The following UGT1A8 variants were observed in gnomAD, a reference collection of about 807,000 sequenced individuals.
UGT1A8 encodes the protein UDP glucuronosyltransferase family 1 member A8.
In UGT1A8, 39 loss-of-function variants were observed where a neutral mutation model predicts 45.3. The ratio of observed to expected loss-of-function variants is 0.86; its 90% confidence interval spans 0.67 to 1.12. The LOEUF (loss-of-function observed/expected upper bound fraction) is 1.12, where lower values mean the gene tolerates loss of function less well. UGT1A8 is among the 50% of genes most tolerant of loss of function. The pLI, the probability that UGT1A8 is intolerant of heterozygous loss-of-function variation, is 0.00. For missense variants in UGT1A8, 719 were observed against 664.9 expected, an observed-to-expected ratio of 1.08 and a Z score of -0.90; for synonymous variants, 275 against 249.2, an observed-to-expected ratio of 1.10 and a Z score of -0.97.
intron 1 of UGT1A8, among the ~76,000 whole-genome samples, chr2:233,627,352 T>C (rs1038742497): frequency 1.3e-5 from 2 of 152,028 alleles, no homozygotes; most frequent in African/African-American, 4.8e-5. Context: ...AACCCCTTTC[T>C]AAAACTAGCA....
chr2:233,732,773 C>CTTTT (rs2078315229), intron 1 of UGT1A8, among the ~76,000 whole-genome samples: 1 of 103,190 alleles, frequency 9.7e-6, no homozygotes, highest in Admixed American at 1.1e-4. Flanking sequence ...TTTTTTTTTG[C>CTTTT]TTAGGATTGT....
At chr2:233,729,653 T>C (rs781239546) in intron 1 of UGT1A8, 1 of 1,613,906 alleles carries the variant, frequency 6.2e-7, no homozygotes, top group East Asian at 2.2e-5. Flanking sequence ...TTGAGGAACA[T>C]TCCATGTGAT....
intron 1 of UGT1A8, among the ~76,000 whole-genome samples, chr2:233,673,563 A>C (rs569309785): frequency 9.9e-5 from 15 of 151,916 alleles, no homozygotes; most frequent in Admixed American, 9.2e-4. Context: ...TTTTTTTGCT[A>C]TTGTGTCTTC....
Position 233,757,121 on chromosome 2 carries a change from A to G in UGT1A8, c.856-9913A>G, listed in dbSNP as rs559239929. 1.1e-4 allele frequency among the ~76,000 whole-genome samples: 17 copies of G among 151,382 alleles called. No homozygotes were observed. The South Asian group carries it at 3.4e-3, about 30-fold the overall frequency. ...GAGGGGGCAAGCAGAAGGGCTAGAG[A>G]GGAGGAATGAGCTTGGACAGGTGGG... On this transcript the variant is annotated intron_variant, in intron 1 of 4. Coordinates refer to ENST00000373450, the MANE Select transcript of UGT1A8 (RefSeq NM_019076.5).
chr2:233,658,717 T>C (rs1241550820), intron 1 of UGT1A8, among the ~76,000 whole-genome samples: 1 of 152,246 alleles, frequency 6.6e-6, no homozygotes, highest in Non-Finnish European at 1.5e-5. Flanking sequence ...GATAGCCAAC[T>C]CTTGAAAAGA....
At chr2:233,631,281 A>AATAGT (rs2073181825) in intron 1 of UGT1A8, among the ~76,000 whole-genome samples, 1 of 152,132 alleles carries the variant, frequency 6.6e-6, no homozygotes, top group Non-Finnish European at 1.5e-5. Context: ...TGCTATTGTG[A>AATAGT]ATAGTGCTGC....
At chr2:233,713,902 A>G in intron 1 of UGT1A8, 1 of 1,612,946 alleles carries the variant, frequency 6.2e-7, no homozygotes, top group South Asian at 1.1e-5. Flanking sequence ...CAGGCAAAAC[A>G]CTTTTTAAAA....
At chr2:233,726,002 C>T (rs1052114071) in intron 1 of UGT1A8, among the ~76,000 whole-genome samples, 2 of 151,912 alleles carry the variant, frequency 1.3e-5, no homozygotes, top group African/African-American at 4.8e-5. Flanking sequence ...TGCATCTCTA[C>T]AAAAAATCAA....
At chr2:233,735,135 T>C (rs1287914959) in intron 1 of UGT1A8, among the ~76,000 whole-genome samples, 4 of 152,188 alleles carry the variant, frequency 2.6e-5, no homozygotes, top group Non-Finnish European at 4.4e-5. Flanking sequence ...CTCATTATTA[T>C]TGTGTGGGAG....
At chr2:233,631,303 T>C (rs2125454702) in intron 1 of UGT1A8, among the ~76,000 whole-genome samples, 1 of 152,282 alleles carries the variant, frequency 6.6e-6, no homozygotes, top group Admixed American at 6.6e-5. Context: ...ATAAAATACA[T>C]GTGCATGTGC....
At chr2:233,695,911 C>T (rs1009465267) in intron 1 of UGT1A8, among the ~76,000 whole-genome samples, 8 of 151,952 alleles carry the variant, frequency 5.3e-5, no homozygotes, top group African/African-American at 1.9e-4. Flanking sequence ...GGTTTTTTTT[C>T]TCCACACACC....
chr2:233,769,069 T>C lies in UGT1A8; in HGVS notation c.1295+630T>C, dbSNP rs1362327235. On this transcript the variant is annotated intron_variant, in intron 4 of 4. Transcript: ENST00000373450. The surrounding 1 kb of genome is among the most constrained non-coding windows in gnomAD (Gnocchi z 4.4). ...CATAAGTTTCCTGCACAGAAAGAAA[T>C]ACTCCATTATAAGAAGCATAGTATC... is the stretch of plus-strand genomic sequence containing the variant. 1.3e-5 allele frequency among the ~76,000 whole-genome samples: 2 copies of C among 152,194 alleles called. No individual in the cohort carries two copies. Among genetic ancestry groups the C allele is most frequent in the Admixed American group, 6.5e-5 (1 of 15,280 alleles).
intron 1 of UGT1A8, among the ~76,000 whole-genome samples, chr2:233,624,322 G>A (rs913048435): frequency 6.6e-5 from 10 of 152,042 alleles, no homozygotes; most frequent in African/African-American, 2.2e-4. Flanking sequence ...GAGCAGTCCT[G>A]GTCAGGTGTC....
intron 1 of UGT1A8, among the ~76,000 whole-genome samples, chr2:233,676,032 C>T (rs2074343730): frequency 6.6e-6 from 1 of 152,166 alleles, no homozygotes; most frequent in Non-Finnish European, 1.5e-5. Context: ...CATACATATA[C>T]ATCCTTGGCC....
At chr2:233,722,287 T>G (rs2125687052) in intron 1 of UGT1A8, among the ~76,000 whole-genome samples, 2 of 152,350 alleles carry the variant, frequency 1.3e-5, no homozygotes, top group Admixed American at 1.3e-4. Flanking sequence ...TGATTTCCTT[T>G]GTTATTTTGT....
intron 1 of UGT1A8, among the ~76,000 whole-genome samples, chr2:233,733,605 C>T (rs2125780479): frequency 6.6e-6 from 1 of 152,304 alleles, no homozygotes; most frequent in East Asian, 1.9e-4. Flanking sequence ...TGATGGATTA[C>T]ATTTATTGAT....
At chr2:233,747,496 G>A in intron 1 of UGT1A8, 1 of 1,608,732 alleles carries the variant, frequency 6.2e-7, no homozygotes, top group Non-Finnish European at 8.5e-7. Context: ...CTTGTGCTGG[G>A]CCACACTCAA....
chr2:233,744,090 T>G (rs1692690512), intron 1 of UGT1A8: 7 of 425,206 alleles, frequency 1.6e-5, no homozygotes, highest in South Asian at 1.4e-4. Context: ...CAAGATGCAG[T>G]GCTTCTGGGA....
chr2:233,627,481 C>A (rs956618423), intron 1 of UGT1A8, among the ~76,000 whole-genome samples: 2 of 151,962 alleles, frequency 1.3e-5, no homozygotes, highest in Non-Finnish European at 2.9e-5. Flanking sequence ...ATAAATACGC[C>A]TTTCTTATAG....
Sources: gnomAD v4.1 joint callset for allele counts (sites outside exome capture counted in the v4.1 genomes callset) on GRCh38, gnomAD v4.1.1 for gene constraint, Gnocchi (gnomAD v3.1) non-coding constraint, MANE v1.5 for transcripts, NCBI Gene and HGNC (gene_info 2026-07-23, HGNC 2026-07-21) for gene names.